The following NCKAP5 variants were observed in gnomAD, a reference collection of about 807,000 sequenced individuals.
NCKAP5 encodes NCK associated protein 5.
In NCKAP5, 92 loss-of-function variants were observed where a neutral mutation model predicts 167.0. The observed-to-expected ratio is 0.55, with a 90% CI of 0.47 to 0.66. The LOEUF (loss-of-function observed/expected upper bound fraction) is 0.66. Ranked by LOEUF, NCKAP5 falls within the 30% of genes least tolerant of loss-of-function variation. The pLI is 0.00. For missense variants in NCKAP5, 2,378 were observed against 2,315.0 expected (o/e 1.03, Z -0.56); for synonymous variants, 891 against 877.4 (o/e 1.02, Z -0.27).
chr2:132,759,733 T>C (rs1409162406), intron 16 of NCKAP5, among the ~76,000 whole-genome samples: 1 of 152,146 alleles, frequency 6.6e-6, no homozygotes, highest in African/African-American at 2.4e-5. Context: ...TTTAGATTTA[T>C]TATATCTAAA....
chr2:133,090,928 A>G (rs1265879679), intron 6 of NCKAP5, among the ~76,000 whole-genome samples: 2 of 152,074 alleles, frequency 1.3e-5, no homozygotes, highest in Non-Finnish European at 2.9e-5. Flanking sequence ...CTCACATTCA[A>G]TTGTAATCCG....
chr2:133,482,483 C>G (rs1405381067), intron 3 of NCKAP5, among the ~76,000 whole-genome samples: 2 of 152,136 alleles, frequency 1.3e-5, no homozygotes, highest in Non-Finnish European at 2.9e-5. Flanking sequence ...CTCCCAGTGT[C>G]CTAGGATTAC....
At chr2:133,637,393 G>C in the NCKAP5 span, among the ~76,000 whole-genome samples, 1 of 128,436 alleles carries the variant, frequency 7.8e-6, no homozygotes, top group Non-Finnish European at 1.6e-5. Flanking sequence ...TATGCCTAAG[G>C]AAACAGGCCA....
intron 19 of NCKAP5, among the ~76,000 whole-genome samples, chr2:132,691,744 C>T (rs1267415202): frequency 6.6e-6 from 1 of 152,160 alleles, no homozygotes; most frequent in Non-Finnish European, 1.5e-5. Flanking sequence ...ATAAACCCCT[C>T]CCTGACTGGA....
At chr2:133,572,153 C>A (rs1247026552), upstream of NCKAP5, among the ~76,000 whole-genome samples, 1 of 152,192 alleles carries the variant, frequency 6.6e-6, no homozygotes, top group Non-Finnish European at 1.5e-5. Flanking sequence ...GTCTGCCTGA[C>A]CCTCCAGTGT....
chr2:132,873,258 C>G (rs1690979883), intron 9 of NCKAP5, among the ~76,000 whole-genome samples: 1 of 152,076 alleles, frequency 6.6e-6, no homozygotes, highest in Admixed American at 6.6e-5. Context: ...CGCCCACCAC[C>G]ATGCCCAGCT....
the NCKAP5 span, among the ~76,000 whole-genome samples, chr2:133,576,603 A>G: frequency 6.6e-6 from 1 of 152,318 alleles, no homozygotes; most frequent in African/African-American, 2.4e-5. Flanking sequence ...ATTGGGAGAC[A>G]CAATTGAAAA....
chr2:132,830,833 T>C (rs1687470749), intron 11 of NCKAP5, among the ~76,000 whole-genome samples: 1 of 152,202 alleles, frequency 6.6e-6, no homozygotes, highest in Non-Finnish European at 1.5e-5. Flanking sequence ...GAAACTATTC[T>C]TATAATAAAA....
At chr2:133,205,870 T>C (rs1559265376) in intron 5 of NCKAP5, among the ~76,000 whole-genome samples, 1 of 152,202 alleles carries the variant, frequency 6.6e-6, no homozygotes. Flanking sequence ...TATTATAGTT[T>C]AAAACTATAT....
At chr2:133,406,005 T>C (rs543431981) in intron 3 of NCKAP5, among the ~76,000 whole-genome samples, 25 of 152,350 alleles carry the variant, frequency 1.6e-4, no homozygotes, top group African/African-American at 5.5e-4. Flanking sequence ...GTCTGTATAA[T>C]CCCCGAATTG....
At chr2:132,856,326 A>C (rs1689462846) in intron 11 of NCKAP5, among the ~76,000 whole-genome samples, 1 of 152,156 alleles carries the variant, frequency 6.6e-6, no homozygotes. Flanking sequence ...ACTGAAAATA[A>C]AGACTAAGAG....
intron 8 of NCKAP5, among the ~76,000 whole-genome samples, chr2:132,924,592 AC>A (rs1695705059): frequency 1.3e-5 from 2 of 152,242 alleles, no homozygotes; most frequent in Admixed American, 6.5e-5. Flanking sequence ...CCAATAAAAT[AC>A]AAACAGGCAT....
upstream of NCKAP5, among the ~76,000 whole-genome samples, chr2:133,569,526 T>C (rs1490870212): frequency 1.3e-5 from 2 of 152,238 alleles, no homozygotes; most frequent in East Asian, 3.8e-4. Flanking sequence ...TAAGTGTTAT[T>C]TGTTTATACC....
At chr2:133,655,862 G>A in the NCKAP5 span, among the ~76,000 whole-genome samples, 1 of 152,140 alleles carries the variant, frequency 6.6e-6, no homozygotes, top group Non-Finnish European at 1.5e-5. Context: ...CGAGCCAAAA[G>A]AGCTTGTAGA....
chr2:133,103,351 A>C (rs940703950), intron 6 of NCKAP5, among the ~76,000 whole-genome samples: 3 of 152,214 alleles, frequency 2.0e-5, no homozygotes, highest in Non-Finnish European at 4.4e-5. Flanking sequence ...TCAAGGTAAA[A>C]TTTCAGACAG....
intron 3 of NCKAP5, among the ~76,000 whole-genome samples, chr2:133,481,094 T>TA (rs1559516648): frequency 6.6e-6 from 1 of 152,196 alleles, no homozygotes; most frequent in Admixed American, 6.5e-5. Context: ...CACATACTAA[T>TA]AAAAAAATCT....
intron 2 of NCKAP5, among the ~76,000 whole-genome samples, chr2:133,545,467 G>C (rs1442708313): frequency 6.6e-6 from 1 of 152,124 alleles, no homozygotes; most frequent in Non-Finnish European, 1.5e-5. Flanking sequence ...AGACAGGTAT[G>C]ACCTCTAAAA....
At chr2:133,038,321 C>T (rs938993797) in intron 6 of NCKAP5, among the ~76,000 whole-genome samples, 5 of 152,046 alleles carry the variant, frequency 3.3e-5, no homozygotes, top group Admixed American at 1.3e-4. Flanking sequence ...TTTGCAACAA[C>T]GTGTATGGAA....
rs570596198 is a variant in NCKAP5 at position 133,153,833 on chromosome 2, C to CTTTTTT, written c.208-23728_208-23723dup. ...GGCCCACTTCAAATAGTTCCTCCTTCTTTTTTTTTTTTTTTTTTTTGAGAT... is the reference window on the plus strand; with the variant it reads ...GGCCCACTTCAAATAGTTCCTCCTTCTTTTTTTTTTTTTTTTTTTTTTTTTTGAGAT... On this transcript the variant is annotated intron_variant, in intron 5 of 19. Coordinates refer to ENST00000409261, the MANE Select transcript of NCKAP5 (RefSeq NM_207363.3). 1.8e-3 allele frequency among the ~76,000 whole-genome samples: 197 copies of CTTTTTT among 109,694 alleles called. 3 individuals carry two copies. The highest frequency in any genetic ancestry group is 3.4e-3 in the African/African-American group (91 of 27,148). 72.0% of individuals were successfully genotyped at this position (109,694 alleles called of 152,430 possible). A position where few individuals can be genotyped will look rare whatever the true frequency, so the allele number is the denominator to read the frequency against.
Sources: allele counts gnomAD v4.1 joint callset (sites outside exome capture counted in the v4.1 genomes callset), GRCh38; gene constraint gnomAD v4.1.1; transcripts MANE v1.5; gene names NCBI Gene and HGNC (gene_info 2026-07-23, HGNC 2026-07-21).